PLSCR2: variants seen among roughly 807,000 people sequenced by gnomAD.
PLSCR2 encodes PL scramblase 2.
A neutral mutation model predicts 25.3 loss-of-function variants in PLSCR2; 18 were observed. The observed-to-expected ratio is 0.71, with a 90% confidence interval of 0.49 to 1.06. The LOEUF (loss-of-function observed/expected upper bound fraction) is 1.06, where lower values mean the gene tolerates loss of function less well. Among genes scored for constraint, PLSCR2 ranks in the 50% least tolerant of loss-of-function variants. The probability of loss-of-function intolerance (pLI) is 0.00; values close to 1 mark genes in which losing one functional copy is unlikely to be tolerated. For synonymous variants in PLSCR2, 88 were observed against 87.3 expected (o/e 1.01, Z -0.04); for missense variants, 243 against 269.5 (o/e 0.90, Z 0.69).
intron 1 of PLSCR2, among the ~76,000 whole-genome samples, chr3:146,490,698 A>G (rs1576754907): frequency 6.6e-6 from 1 of 152,192 alleles, no homozygotes; most frequent in Non-Finnish European, 1.5e-5. Context: ...CCATTTGCTT[A>G]ATAGATATTT....
At chr3:146,447,529 T>C (rs945851282) in intron 6 of PLSCR2, among the ~76,000 whole-genome samples, 14 of 152,282 alleles carry the variant, frequency 9.2e-5, no homozygotes, top group African/African-American at 2.4e-4. Context: ...CTCAGGACTC[T>C]GTTTAGTGTC....
At chr3:146,434,081 C>A (rs1450559989) in intron 8 of PLSCR2, among the ~76,000 whole-genome samples, 1 of 152,146 alleles carries the variant, frequency 6.6e-6, no homozygotes, top group African/African-American at 2.4e-5. Flanking sequence ...TAGTTTCTAA[C>A]ACTGGTACAG....
At chr3:146,401,463 C>T (rs1467605535) in intron 2 of PLSCR2, 1 of 152,392 alleles carries the variant, frequency 6.6e-6, no homozygotes, top group African/African-American at 2.4e-5. Context: ...ACAAAGGTGT[C>T]GAAGGAAGCA....
At chr3:146,470,134 G>A (rs540135301) in intron 1 of PLSCR2, among the ~76,000 whole-genome samples, 77 of 152,138 alleles carry the variant, frequency 5.1e-4, no homozygotes, top group Non-Finnish European at 9.3e-4. Flanking sequence ...TAAGTTAAGA[G>A]TGAAAATGAT....
chr3:146,491,745 G>A (rs895437740), intron 1 of PLSCR2, among the ~76,000 whole-genome samples: 1 of 151,990 alleles, frequency 6.6e-6, no homozygotes, highest in African/African-American at 2.4e-5. Flanking sequence ...TTCAACTCTT[G>A]GATCATATTA....
At chr3:146,477,885 G>A (rs1484090101) in intron 1 of PLSCR2, among the ~76,000 whole-genome samples, 2 of 152,212 alleles carry the variant, frequency 1.3e-5, no homozygotes, top group African/African-American at 4.8e-5. Flanking sequence ...GAAGCTTCCA[G>A]AGGAAGGATC....
downstream of PLSCR2, among the ~76,000 whole-genome samples, chr3:146,438,176 G>T (rs1260747668): frequency 6.6e-6 from 1 of 152,162 alleles, no homozygotes; most frequent in Non-Finnish European, 1.5e-5. Context: ...CATTTGCTGA[G>T]GAGTGCTTTA....
chr3:146,466,171 GT>G (rs1446804714), intron 1 of PLSCR2, among the ~76,000 whole-genome samples: 2 of 152,170 alleles, frequency 1.3e-5, no homozygotes, highest in Non-Finnish European at 2.9e-5. Flanking sequence ...TTGTTTGTTT[GT>G]TTGTCTTTTG....
chr3:146,422,859 A>G (rs1009033531), intron 2 of PLSCR2, among the ~76,000 whole-genome samples: 1 of 152,082 alleles, frequency 6.6e-6, no homozygotes, highest in Non-Finnish European at 1.5e-5. Flanking sequence ...ATTAACTCCC[A>G]AAACCTAGAA....
At chr3:146,425,207 T>A (rs1048873288) in intron 2 of PLSCR2, among the ~76,000 whole-genome samples, 1 of 152,002 alleles carries the variant, frequency 6.6e-6, no homozygotes, top group African/African-American at 2.4e-5. Flanking sequence ...TCCCCTGAAA[T>A]GAATGACATC....
intron 6 of PLSCR2, among the ~76,000 whole-genome samples, chr3:146,445,949 A>G (rs924894202): frequency 6.6e-6 from 1 of 152,020 alleles, no homozygotes; most frequent in South Asian, 2.1e-4. Context: ...TGCATTCTTC[A>G]TTACATCAAT....
chr3:146,421,415 A>G (rs2039146296), intron 2 of PLSCR2, among the ~76,000 whole-genome samples: 1 of 152,066 alleles, frequency 6.6e-6, no homozygotes. Context: ...GAAGACTACT[A>G]TTTCTTGGTG....
chr3:146,488,303 G>A (rs114681635), intron 1 of PLSCR2, among the ~76,000 whole-genome samples: 4,817 of 152,072 alleles, frequency 0.032, 227 homozygotes, highest in African/African-American at 0.1. Context: ...AAAAGCAATT[G>A]CAACAAAAGT....
intron 1 of PLSCR2, among the ~76,000 whole-genome samples, chr3:146,487,204 A>G (rs1410462009): frequency 2.0e-5 from 3 of 152,144 alleles, no homozygotes; most frequent in African/African-American, 4.8e-5. Context: ...CCCACAGCCA[A>G]TATCATACTG....
chr3:146,441,798 AG>A lies in PLSCR2; in HGVS notation c.668del (p.Thr223IlefsTer?). 4 of 1,593,020 alleles carry A rather than the reference AG, an allele frequency of 2.5e-6. No individual in the cohort carries two copies. The highest frequency in any genetic ancestry group is 3.4e-6 in the Non-Finnish European group (4 of 1,165,790). ...CACTCTGACATTCCAGTCATTACCTAGTTCTTTCAAAAAACATGTAGTCCTG... is the reference window on the plus strand; with the variant it reads ...CACTCTGACATTCCAGTCATTACCTATTCTTTCAAAAAACATGTAGTCCTG... On this transcript the variant is annotated frameshift_variant, in exon 7 of 7. Coordinates refer to ENST00000610787, the Ensembl canonical transcript of PLSCR2. LOFTEE classifies it high-confidence loss of function.
chr3:146,439,045 G>C (rs1486781741), downstream of PLSCR2, among the ~76,000 whole-genome samples: 1 of 152,090 alleles, frequency 6.6e-6, no homozygotes, highest in Admixed American at 6.5e-5. Flanking sequence ...GCTTAATTTG[G>C]CTGGATATGA....
intron 1 of PLSCR2, chr3:146,495,840 T>C (rs958136918): frequency 6.5e-6 from 9 of 1,386,186 alleles, no homozygotes; most frequent in South Asian, 1.2e-5. Flanking sequence ...GTAGTAGTTA[T>C]AGAGATCAAC....
intron 8 of PLSCR2, among the ~76,000 whole-genome samples, chr3:146,434,223 A>G (rs73865711): frequency 0.028 from 4,266 of 152,216 alleles, 226 homozygotes; most frequent in African/African-American, 0.097. Flanking sequence ...CAAAAATATA[A>G]TAATATATAC....
rs769980544 is a variant in PLSCR2, at chr3:146,441,824, G to C, written c.646-3C>G. On this transcript the variant is annotated splice_polypyrimidine_tract_variant and splice_region_variant and intron_variant, in intron 6 of 6. Transcript: ENST00000610787. ...GTTCTTTCAAAAAACATGTAGTCCTGGATAAAAACAAAAATACAGAAATGA... is the reference window on the plus strand; with the variant it reads ...GTTCTTTCAAAAAACATGTAGTCCTCGATAAAAACAAAAATACAGAAATGA... 1 of 1,571,604 alleles carries C rather than the reference G, an allele frequency of 6.4e-7. No individual in the cohort carries two copies. Among genetic ancestry groups the C allele is most frequent in the Non-Finnish European group, 8.7e-7 (1 of 1,149,198 alleles).
Sources: gnomAD v4.1 joint callset for allele counts (sites outside exome capture counted in the v4.1 genomes callset) on GRCh38, gnomAD v4.1.1 for gene constraint, MANE v1.5 for transcripts, NCBI Gene and HGNC (gene_info 2026-07-23, HGNC 2026-07-21) for gene names.